Variants in SND1 observed in about 807,000 individuals in gnomAD.
SND1 encodes the protein staphylococcal nuclease domain-containing protein 1.
SND1 carries 38 observed loss-of-function variants against 121.7 expected under a neutral mutation model. That is an observed-to-expected ratio of 0.31 (90% CI 0.24 to 0.41). SND1 has a LOEUF of 0.41. Among genes scored for constraint, SND1 ranks in the 10% least tolerant of loss-of-function variants. SND1 has a pLI of 1.00. For synonymous variants in SND1, 401 were observed against 447.4 expected (o/e 0.90, Z 1.31); for missense variants, 868 against 1,184.6 (o/e 0.73, Z 3.92).
chr7:127,739,810 T>G (rs1796844364), intron 10 of SND1, among the ~76,000 whole-genome samples: 1 of 152,200 alleles, frequency 6.6e-6, no homozygotes, highest in Admixed American at 6.5e-5. Flanking sequence ...GCCAAGGTGC[T>G]TCAGACATTC....
intron 11 of SND1, among the ~76,000 whole-genome samples, chr7:127,810,778 A>G (rs1337224304): frequency 6.6e-6 from 1 of 152,248 alleles, no homozygotes; most frequent in Non-Finnish European, 1.5e-5. Context: ...TAAAATATCT[A>G]AAGTTGAGAC....
intron 12 of SND1, among the ~76,000 whole-genome samples, chr7:127,846,324 A>G (rs1253509591): frequency 6.6e-6 from 1 of 152,192 alleles, no homozygotes; most frequent in Non-Finnish European, 1.5e-5. Flanking sequence ...GAAGAATTTT[A>G]CAAGTACTCT....
chr7:127,883,842 T>G (rs1490012650), intron 12 of SND1, among the ~76,000 whole-genome samples: 1 of 152,180 alleles, frequency 6.6e-6, no homozygotes, highest in African/African-American at 2.4e-5. Context: ...TTGGTTTGTC[T>G]GATGTTTCTT....
intron 10 of SND1, among the ~76,000 whole-genome samples, chr7:127,804,742 T>TTA (rs1554428881): frequency 6.8e-6 from 1 of 147,318 alleles, no homozygotes; most frequent in East Asian, 2.0e-4. Context: ...CCCATATCTT[T>TTA]AAAAAAAAAA....
intron 10 of SND1, among the ~76,000 whole-genome samples, chr7:127,726,442 G>A (rs1021249682): frequency 6.6e-6 from 1 of 152,174 alleles, no homozygotes; most frequent in Admixed American, 6.5e-5. Flanking sequence ...TTGTGAACCT[G>A]GCCATGTATC....
intron 16 of SND1, among the ~76,000 whole-genome samples, chr7:128,065,376 A>C (rs1039855433): frequency 1.3e-5 from 2 of 152,228 alleles, no homozygotes; most frequent in Non-Finnish European, 2.9e-5. Flanking sequence ...GACTGGCCCC[A>C]TTGGGGGGGT....
intron 10 of SND1, among the ~76,000 whole-genome samples, chr7:127,730,122 C>CCACAT (rs1293616333): frequency 2.0e-5 from 3 of 152,198 alleles, no homozygotes; most frequent in Non-Finnish European, 4.4e-5. Context: ...GCATGAGCCA[C>CCACAT]CACATCCAGC....
intron 15 of SND1, among the ~76,000 whole-genome samples, chr7:127,977,937 TG>T (rs951849449): frequency 1.4e-4 from 22 of 152,170 alleles, no homozygotes; most frequent in African/African-American, 5.1e-4. Flanking sequence ...AGGAGGTAGG[TG>T]GCAGAGGTTT....
chr7:127,935,372 T>C (rs1444660294), intron 15 of SND1, among the ~76,000 whole-genome samples: 3 of 152,236 alleles, frequency 2.0e-5, no homozygotes, highest in African/African-American at 7.2e-5. Context: ...AGTACACCTA[T>C]TGTTTTCATA....
chr7:127,786,615 T>G (rs1797816504), intron 10 of SND1, among the ~76,000 whole-genome samples: 1 of 152,106 alleles, frequency 6.6e-6, no homozygotes, highest in African/African-American at 2.4e-5. Context: ...GCATAGTGTT[T>G]TTTTGTTTTG....
At chr7:128,070,061 C>T (rs995288558) in intron 16 of SND1, among the ~76,000 whole-genome samples, 1 of 152,218 alleles carries the variant, frequency 6.6e-6, no homozygotes, top group Admixed American at 6.5e-5. Context: ...GAGATGCTGG[C>T]AGACCAGCAG....
intron 16 of SND1, among the ~76,000 whole-genome samples, chr7:128,032,425 G>A (rs575859444): frequency 3.3e-3 from 496 of 151,680 alleles, no homozygotes; most frequent in Non-Finnish European, 5.4e-3. Flanking sequence ...GGGGCCGCGC[G>A]CAAGTCGCAG....
chr7:127,680,385 A>G (rs1260089314), intron 1 of SND1, among the ~76,000 whole-genome samples: 4 of 152,094 alleles, frequency 2.6e-5, no homozygotes, highest in Non-Finnish European at 5.9e-5. Flanking sequence ...CCTCGTCCTA[A>G]TAAGCCTGGG....
At chr7:127,818,717 G>A (rs916240966) in intron 11 of SND1, among the ~76,000 whole-genome samples, 45 of 152,304 alleles carry the variant, frequency 3.0e-4, no homozygotes, top group Admixed American at 1.3e-4. Context: ...GATGCACAGG[G>A]TGGGCAGTGA....
intron 15 of SND1, among the ~76,000 whole-genome samples, chr7:127,956,737 G>C (rs757089507): frequency 5.9e-5 from 9 of 152,230 alleles, no homozygotes; most frequent in Non-Finnish European, 1.0e-4. Flanking sequence ...ATAGTTTGAT[G>C]ATACGTGTTT....
At chr7:127,899,906 T>C (rs1001777195) in intron 13 of SND1, among the ~76,000 whole-genome samples, 25 of 152,150 alleles carry the variant, frequency 1.6e-4, no homozygotes, top group Admixed American at 5.9e-4. Flanking sequence ...AGAGACATCA[T>C]GGAGGCTGCT....
intron 15 of SND1, among the ~76,000 whole-genome samples, chr7:127,959,937 C>T (rs1370889268): frequency 6.6e-6 from 1 of 152,210 alleles, no homozygotes; most frequent in Non-Finnish European, 1.5e-5. Context: ...TCACTCATTA[C>T]TGGGTAAACA....
intron 15 of SND1, among the ~76,000 whole-genome samples, chr7:127,990,301 G>A (rs78956137): frequency 0.016 from 2,364 of 152,250 alleles, 66 homozygotes; most frequent in African/African-American, 0.053. Context: ...GCTGGGATGT[G>A]AAACTGGGTT....
chr7:127,911,149 TTTCTTTCTTC>T (rs1268016594), intron 14 of SND1, among the ~76,000 whole-genome samples: 2 of 152,150 alleles, frequency 1.3e-5, no homozygotes, highest in African/African-American at 2.4e-5. Flanking sequence ...TATTGCTCTA[TTTCTTTCTTC>T]TTCTTTCTTC....
Sources: gnomAD v4.1 joint callset for allele counts (sites outside exome capture counted in the v4.1 genomes callset) on GRCh38, gnomAD v4.1.1 for gene constraint, MANE v1.5 for transcripts, NCBI Gene and HGNC (gene_info 2026-07-23, HGNC 2026-07-21) for gene names.